Variants in FBXO10 observed in about 807,000 individuals in gnomAD.
FBXO10 encodes F-box protein 10, also known as F-box only protein 10.
In FBXO10, 39 loss-of-function variants were observed where a neutral mutation model predicts 80.7. That is an observed-to-expected ratio of 0.48 (90% CI 0.37 to 0.63). FBXO10 has a LOEUF of 0.63. FBXO10 is among the 30% of genes least tolerant of loss of function. FBXO10 has a pLI of 0.00. For synonymous variants in FBXO10, 449 were observed against 489.6 expected (o/e 0.92, Z 1.09); for missense variants, 1,025 against 1,269.0 (o/e 0.81, Z 2.92).
At chr9:37,514,564 G>A (rs541046451) in intron 10 of FBXO10, among the ~76,000 whole-genome samples, 1 of 152,034 alleles carries the variant, frequency 6.6e-6, no homozygotes, top group Non-Finnish European at 1.5e-5. Flanking sequence ...GGTGAGGCGC[G>A]GTGGCTCACA....
intron 1 of FBXO10, among the ~76,000 whole-genome samples, chr9:37,575,836 A>G (rs1822881015): frequency 6.6e-6 from 1 of 152,102 alleles, no homozygotes; most frequent in African/African-American, 2.4e-5. Context: ...CTGCGTTCCT[A>G]GGTGAAGGCT....
At chr9:37,544,991 CAAAAA>C (rs59952580) in intron 1 of FBXO10, among the ~76,000 whole-genome samples, 1 of 69,464 alleles carries the variant, frequency 1.4e-5, no homozygotes, top group South Asian at 5.5e-4. Context: ...GAGACTCTCT[CAAAAA>C]AAAAAAAAAA....
rs754281354 is a variant in FBXO10 at position 37,521,582 on chromosome 9, A to G, written c.2187T>C (p.Ile729=). The change falls in exon 8 of 11, where the codon ATT becomes ATC. Residue 729 remains isoleucine, a synonymous_variant. Coordinates refer to ENST00000432825, the MANE Select transcript of FBXO10 (RefSeq NM_012166.3). ...ITIALVESNS[I]NHNGASGLYV... is the part of the protein sequence containing the mutation. ...GGGTATACTCACCTCCATTGTGATT[A>G]ATACTGTTAGACTCAACAAGAGCTA... 1.7e-5 allele frequency: 28 copies of G among 1,611,092 alleles called. No individual in the cohort carries two copies. The highest frequency in any genetic ancestry group is 2.3e-5 in the Non-Finnish European group (27 of 1,178,250).
At chr9:37,525,833 CT>C (rs1404619517) in intron 5 of FBXO10, among the ~76,000 whole-genome samples, 1 of 152,120 alleles carries the variant, frequency 6.6e-6, no homozygotes, top group Admixed American at 6.6e-5. Context: ...GCCACCGCGC[CT>C]GGCCTTATAT....
chr9:37,557,160 C>T (rs13285217), intron 1 of FBXO10, among the ~76,000 whole-genome samples: 24,902 of 152,204 alleles, frequency 0.16, 2,158 homozygotes, highest in Middle Eastern at 0.25. Flanking sequence ...TGGGTTCTTT[C>T]AGGCAATGAT....
chr9:37,553,916 C>CAAAAAAAAAAAAAAAAAAAAA (rs71494669), intron 1 of FBXO10, among the ~76,000 whole-genome samples: 3 of 64,328 alleles, frequency 4.7e-5, no homozygotes, highest in African/African-American at 2.0e-4. Flanking sequence ...AAGTCTGCCT[C>CAAAAAAAAAAAAAAAAAAAAA]AAAAAAAAAA....
chr9:37,518,992 C>T (rs2119054601), intron 8 of FBXO10, among the ~76,000 whole-genome samples: 1 of 151,764 alleles, frequency 6.6e-6, no homozygotes, highest in South Asian at 2.1e-4. Context: ...TCACTACAAG[C>T]TCCGCCTCCC....
At chr9:37,525,617 T>C (rs1490375167) in intron 5 of FBXO10, among the ~76,000 whole-genome samples, 1 of 152,022 alleles carries the variant, frequency 6.6e-6, no homozygotes, top group Non-Finnish European at 1.5e-5. Flanking sequence ...TGGCACAATC[T>C]CAGCTCACTG....
At chr9:37,523,035 A>G in intron 6 of FBXO10, 58 bp from the exon 7 acceptor site, 1 of 1,551,888 alleles carries the variant, frequency 6.4e-7, no homozygotes, top group East Asian at 2.4e-5. Flanking sequence ...AGTGCTGGCA[A>G]ATAGGACTTG....
chr9:37,559,724 T>C (rs1013970915), intron 1 of FBXO10, among the ~76,000 whole-genome samples: 1 of 152,226 alleles, frequency 6.6e-6, no homozygotes, highest in African/African-American at 2.4e-5. Flanking sequence ...TCATTGCCTA[T>C]GCAGGATCAT....
intron 1 of FBXO10, among the ~76,000 whole-genome samples, chr9:37,569,807 T>A (rs1822702520): frequency 6.6e-6 from 1 of 152,176 alleles, no homozygotes; most frequent in African/African-American, 2.4e-5. Context: ...TGTACTCCAA[T>A]GTGGGAGACA....
intron 1 of FBXO10, among the ~76,000 whole-genome samples, chr9:37,567,089 GT>G (rs1822625903): frequency 6.7e-6 from 1 of 150,338 alleles, no homozygotes; most frequent in Non-Finnish European, 1.5e-5. Flanking sequence ...AGGCAAGGGT[GT>G]TTTGAGGGCT....
At chr9:37,555,542 A>C (rs1281805081) in intron 1 of FBXO10, among the ~76,000 whole-genome samples, 1 of 151,756 alleles carries the variant, frequency 6.6e-6, no homozygotes, top group African/African-American at 2.4e-5. Flanking sequence ...CACCATGCCC[A>C]GCTAATTTTT....
At chr9:37,523,257 G>A (rs2119069864) in intron 6 of FBXO10, among the ~76,000 whole-genome samples, 1 of 152,044 alleles carries the variant, frequency 6.6e-6, no homozygotes, top group East Asian at 1.9e-4. Flanking sequence ...GATTAAAAAT[G>A]AACTAGTTTT....
intron 4 of FBXO10, among the ~76,000 whole-genome samples, chr9:37,529,701 G>T (rs1463955239): frequency 6.6e-6 from 1 of 152,200 alleles, no homozygotes; most frequent in African/African-American, 2.4e-5. Context: ...ATCCAGAGAG[G>T]GGTCACAGTT....
chr9:37,571,720 T>TATATATATATATAC (rs1822762419), intron 1 of FBXO10, among the ~76,000 whole-genome samples: 1 of 102,674 alleles, frequency 9.7e-6, no homozygotes, highest in African/African-American at 3.2e-5. Flanking sequence ...GAGCCATATA[T>TATATATATATATAC]ATATATATAT....
At chr9:37,525,910 G>A (rs1821460321) in intron 5 of FBXO10, among the ~76,000 whole-genome samples, 1 of 152,022 alleles carries the variant, frequency 6.6e-6, no homozygotes, top group African/African-American at 2.4e-5. Context: ...TTAAGACATG[G>A]GTTCTCGCTA....
chr9:37,548,651 T>C (rs1257897902), intron 1 of FBXO10, among the ~76,000 whole-genome samples: 4 of 152,178 alleles, frequency 2.6e-5, no homozygotes, highest in African/African-American at 4.8e-5. Context: ...TCTGAAGTCC[T>C]GTGTTTCTGC....
chr9:37,559,688 G>A (rs567517232), intron 1 of FBXO10, among the ~76,000 whole-genome samples: 3 of 152,336 alleles, frequency 2.0e-5, no homozygotes, highest in Admixed American at 6.5e-5. Flanking sequence ...TAGAAGAGAT[G>A]TGCGTTACTT....
Sources: allele counts gnomAD v4.1 joint callset (sites outside exome capture counted in the v4.1 genomes callset), GRCh38; gene constraint gnomAD v4.1.1; transcripts MANE v1.5; gene names NCBI Gene and HGNC (gene_info 2026-07-23, HGNC 2026-07-21).